The following ZNF618 variants were observed in gnomAD, a reference collection of about 807,000 sequenced individuals.
The protein encoded by ZNF618 is zinc finger protein 618.
ZNF618 carries 34 observed loss-of-function variants against 103.0 expected under a neutral mutation model. That is an observed-to-expected ratio of 0.33 (90% CI 0.25 to 0.44). The LOEUF is 0.44. ZNF618 is among the 20% of genes least tolerant of loss of function. ZNF618 has a pLI of 1.00. For missense variants in ZNF618, 1,059 were observed against 1,295.4 expected (o/e 0.82, Z 2.80); for synonymous variants, 551 against 542.2 (o/e 1.02, Z -0.23).
At chr9:113,922,651 G>GTGATCTAC (rs1033369995) in intron 1 of ZNF618, among the ~76,000 whole-genome samples, 6 of 151,964 alleles carry the variant, frequency 3.9e-5, no homozygotes, top group Non-Finnish European at 8.8e-5. Context: ...TCTGTTTATT[G>GTGATCTAC]TGATCTACTT....
chr9:113,899,006 G>A (rs1248497820), intron 1 of ZNF618, among the ~76,000 whole-genome samples: 1 of 152,120 alleles, frequency 6.6e-6, no homozygotes, highest in Non-Finnish European at 1.5e-5. Context: ...GAGTCTCCAG[G>A]AGGGTGGCTG....
chr9:114,001,887 C>A, intron 4 of ZNF618, 109 bp from the exon 5 acceptor site: 2 of 945,840 alleles, frequency 2.1e-6, no homozygotes, highest in Non-Finnish European at 3.5e-6. Flanking sequence ...GGGACCATCT[C>A]TGCCCCTGGG....
Position 114,050,187 on chromosome 9 carries a change from AAAAAAG to A in ZNF618, c.*28_*33del. ...CTTTAAGACTTGACTTCGGGGGAAA[AAAAAAG>A]AAAAAGAGAAGATAACATTAGAAAA... On this transcript the variant is annotated 3_prime_UTR_variant, in exon 15 of 15. Transcript: ENST00000374126. 1 of 1,521,820 alleles carries A rather than the reference AAAAAAG, an allele frequency of 6.6e-7. No individual in the cohort carries two copies. The highest frequency in any genetic ancestry group is 8.7e-7 in the Non-Finnish European group (1 of 1,144,316). The allele number at this position is 1,521,820 out of a possible 1,614,324, so 94.3% of individuals were successfully genotyped here.
chr9:113,969,372 G>A (rs1354519951), intron 2 of ZNF618, among the ~76,000 whole-genome samples: 1 of 152,218 alleles, frequency 6.6e-6, no homozygotes, highest in Non-Finnish European at 1.5e-5. Flanking sequence ...TCCAAGGATG[G>A]TTCATTCCTG....
chr9:113,950,163 A>G (rs1000504798), intron 1 of ZNF618, among the ~76,000 whole-genome samples: 1 of 152,020 alleles, frequency 6.6e-6, no homozygotes, highest in African/African-American at 2.4e-5. Flanking sequence ...GTTTCCAGGT[A>G]TTTTTCTTCC....
At chr9:114,032,761 G>A (rs564682805) in intron 12 of ZNF618, 33 bp downstream of exon 12, 1 of 1,600,112 alleles carries the variant, frequency 6.2e-7, no homozygotes, top group Admixed American at 1.7e-5. Flanking sequence ...ATCCTGTGCG[G>A]TAGCTGCCAG....
At chr9:113,970,053 G>C (rs1377966075) in intron 2 of ZNF618, among the ~76,000 whole-genome samples, 1 of 152,134 alleles carries the variant, frequency 6.6e-6, no homozygotes, top group Admixed American at 6.5e-5. Context: ...AGGAAAAAAA[G>C]GTTCTTTCTG....
At position 113,876,377 on chromosome 9, in the gene ZNF618, A is replaced by T; in HGVS notation, c.-4A>T. The T allele has an allele frequency of 8.4e-7, 1 of 1,191,882 alleles. No individual in the cohort carries two copies. The highest frequency in any genetic ancestry group is 1.0e-6 in the Non-Finnish European group (1 of 963,388). The allele number at this position is 1,191,882 out of a possible 1,614,324, so 73.8% of individuals were successfully genotyped here. Reference sequence around the variant, plus strand: ...GCCGGGGCCGCCTCCTCCCGCACGGACCCATGAACCAGCCGGGCGGCGCGG... The same window carrying T: ...GCCGGGGCCGCCTCCTCCCGCACGGTCCCATGAACCAGCCGGGCGGCGCGG... On this transcript the variant is annotated 5_prime_UTR_variant, in exon 1 of 15. Transcript: ENST00000374126.
chr9:113,977,276 C>A (rs957303838), intron 2 of ZNF618, among the ~76,000 whole-genome samples: 1 of 152,132 alleles, frequency 6.6e-6, no homozygotes, highest in African/African-American at 2.4e-5. Context: ...TCTGCTGGGG[C>A]GCTTCCTTAT....
chr9:114,015,575 CT>C (rs920971446), intron 9 of ZNF618, among the ~76,000 whole-genome samples: 12 of 152,192 alleles, frequency 7.9e-5, no homozygotes, highest in African/African-American at 2.9e-4. Context: ...AATACATACC[CT>C]TTCCCTCTCT....
At position 114,055,686 on chromosome 9, in the gene ZNF618, G is replaced by C. The variant is rs1334678531; in HGVS notation, c.*5519G>C. 1.4e-5 allele frequency: 2 copies of C among 143,342 alleles called. No individual in the cohort carries two copies. The highest frequency in any genetic ancestry group is 3.0e-5 in the Non-Finnish European group (2 of 66,782). The allele number at this position is 143,342 out of a possible 1,614,324, so 8.9% of individuals were successfully genotyped here. On this transcript the variant is annotated 3_prime_UTR_variant, in exon 15 of 15. Transcript: ENST00000374126. ...CATCTGACTGTGTCTCTCTCTTTGA[G>C]TGCAAGAAACTCAAGTCATCTTAAA... is the stretch of plus-strand genomic sequence containing the variant.
intron 1 of ZNF618, among the ~76,000 whole-genome samples, chr9:113,928,691 C>T (rs1192121407): frequency 6.6e-6 from 1 of 152,112 alleles, no homozygotes; most frequent in Non-Finnish European, 1.5e-5. Context: ...CTAGAAACTC[C>T]TTCTTAAATA....
At chr9:113,940,976 AT>A (rs574323282) in intron 1 of ZNF618, among the ~76,000 whole-genome samples, 5 of 151,792 alleles carry the variant, frequency 3.3e-5, no homozygotes, top group African/African-American at 9.7e-5. Flanking sequence ...GTTTTCCATG[AT>A]TTTTTTTCCT....
chr9:114,027,710 G>A (rs961545398), intron 10 of ZNF618, among the ~76,000 whole-genome samples: 5 of 152,280 alleles, frequency 3.3e-5, no homozygotes, highest in African/African-American at 9.6e-5. Flanking sequence ...AGATAATGGG[G>A]CCTGCCTCCA....
chr9:113,982,379 G>A (rs961963590), intron 2 of ZNF618, among the ~76,000 whole-genome samples: 4 of 151,908 alleles, frequency 2.6e-5, no homozygotes, highest in African/African-American at 4.8e-5. Context: ...TCGACTTGTG[G>A]CCACATCATT....
At chr9:113,957,954 G>A (rs1018039255) in intron 1 of ZNF618, among the ~76,000 whole-genome samples, 1 of 151,992 alleles carries the variant, frequency 6.6e-6, no homozygotes, top group African/African-American at 2.4e-5. Context: ...GCTCCAGGCG[G>A]TTTTCCCTAG....
chr9:113,968,245 G>A (rs182001697), intron 1 of ZNF618, among the ~76,000 whole-genome samples: 1 of 152,164 alleles, frequency 6.6e-6, no homozygotes, highest in African/African-American at 2.4e-5. Flanking sequence ...ATTAGCGGGG[G>A]CTCTGCCAGG....
Position 114,049,609 on chromosome 9 carries a change from G to T in ZNF618, c.2307G>T (p.Lys769Asn). The T allele has an allele frequency of 6.2e-7, 1 of 1,613,882 alleles. No homozygotes were observed. Among genetic ancestry groups the T allele is most frequent in the Non-Finnish European group, 8.5e-7 (1 of 1,179,908 alleles). ...LVLPTYVRLE[K>N]LFTAKANDAG... ...TGCCCACCTACGTCAGGCTGGAGAA[G>T]CTGTTCACGGCCAAGGCCAACGACG... The change falls in exon 15 of 15, where the codon AAG (lysine) becomes AAT (asparagine). Residue 769 changes from lysine (K) to asparagine (N), a missense_variant. By Grantham distance (94) the Lys-to-Asn change is moderately conservative. Coordinates refer to ENST00000374126, the MANE Select transcript of ZNF618 (RefSeq NM_001318042.2).
intron 2 of ZNF618, 54 bp from the exon 3 acceptor site, chr9:113,988,267 C>T: frequency 1.3e-6 from 2 of 1,560,404 alleles, no homozygotes; most frequent in Non-Finnish European, 8.7e-7. Flanking sequence ...GGCTGGTGGG[C>T]TCCTGTGTTG....
Sources: gnomAD v4.1 joint callset for allele counts (sites outside exome capture counted in the v4.1 genomes callset) on GRCh38, gnomAD v4.1.1 for gene constraint, MANE v1.5 for transcripts, NCBI Gene and HGNC (gene_info 2026-07-23, HGNC 2026-07-21) for gene names.